Variants in RASAL2 observed in about 807,000 individuals in gnomAD.
The protein encoded by RASAL2 is ras GTPase-activating protein nGAP.
A neutral mutation model predicts 128.9 loss-of-function variants in RASAL2; 58 were observed. That is an observed-to-expected ratio of 0.45 (90% CI 0.36 to 0.56). RASAL2 has a LOEUF of 0.56. Among genes scored for constraint, RASAL2 ranks in the 20% least tolerant of loss-of-function variants. The pLI, the probability that RASAL2 is intolerant of heterozygous loss-of-function variation, is 0.00. For synonymous variants in RASAL2, 561 were observed against 580.8 expected (o/e 0.97, Z 0.49); for missense variants, 1,360 against 1,601.6 (o/e 0.85, Z 2.57).
chr1:178,305,868 T>C (rs890333682), intron 3 of RASAL2, among the ~76,000 whole-genome samples: 1 of 152,072 alleles, frequency 6.6e-6, no homozygotes, highest in African/African-American at 2.4e-5. Flanking sequence ...TGGGACAACA[T>C]TTAGAGGTTA....
At chr1:178,420,425 G>A in intron 4 of RASAL2, 86 bp from the exon 5 acceptor site, 1 of 804,614 alleles carries the variant, frequency 1.2e-6, no homozygotes. Flanking sequence ...TATTGTAAAA[G>A]TCTAAATACC....
At chr1:178,351,732 GAAAAAAA>G (rs571231229) in intron 3 of RASAL2, among the ~76,000 whole-genome samples, 7 of 111,048 alleles carry the variant, frequency 6.3e-5, no homozygotes, top group Non-Finnish European at 1.2e-4. Context: ...CTATCTCAAG[GAAAAAAA>G]AAAAAAAAAA....
At chr1:178,197,729 T>C (rs1662715385) in intron 1 of RASAL2, among the ~76,000 whole-genome samples, 1 of 152,218 alleles carries the variant, frequency 6.6e-6, no homozygotes, top group Non-Finnish European at 1.5e-5. Context: ...CTTTAAGTTC[T>C]AGGGTACATG....
Position 178,271,116 on chromosome 1 carries a change from C to T in RASAL2, c.203-12448C>T, listed in dbSNP as rs536957213. 3.8e-4 allele frequency among the ~76,000 whole-genome samples: 58 copies of T among 152,246 alleles called. No individual in the cohort carries two copies. In the South Asian group the frequency reaches 7.5e-3, roughly 20 times the overall value. On this transcript the variant is annotated intron_variant, in intron 1 of 17. Coordinates refer to ENST00000367649, the MANE Select transcript of RASAL2 (RefSeq NM_170692.4). ...TGGGCGAGAGGATCTTGGTACTCTG[C>T]CTCTTAAACAGATTTTATACTACCC...
intron 1 of RASAL2, among the ~76,000 whole-genome samples, chr1:178,133,501 T>A (rs545124093): frequency 3.2e-3 from 481 of 151,802 alleles, no homozygotes; most frequent in South Asian, 4.8e-3. Context: ...TTTTTTTTTT[T>A]AAATTACTTT....
intron 3 of RASAL2, among the ~76,000 whole-genome samples, chr1:178,305,856 C>G (rs1667960807): frequency 6.6e-6 from 1 of 151,926 alleles, no homozygotes; most frequent in African/African-American, 2.4e-5. Flanking sequence ...AAGACTAAGC[C>G]CTGGGACAAC....
chr1:178,113,846 T>TTGA (rs1659431876), intron 1 of RASAL2, among the ~76,000 whole-genome samples: 1 of 152,158 alleles, frequency 6.6e-6, no homozygotes, highest in Non-Finnish European at 1.5e-5. Context: ...TGGTTTGTCT[T>TTGA]TGATTTTTTA....
chr1:178,177,039 T>C (rs191792917), intron 1 of RASAL2, among the ~76,000 whole-genome samples: 3 of 152,314 alleles, frequency 2.0e-5, no homozygotes, highest in Non-Finnish European at 4.4e-5. Flanking sequence ...AGTTCCAGAA[T>C]AGTCTTCAGC....
chr1:178,361,134 G>A (rs1359829104), intron 3 of RASAL2, among the ~76,000 whole-genome samples: 1 of 152,166 alleles, frequency 6.6e-6, no homozygotes, highest in Non-Finnish European at 1.5e-5. Flanking sequence ...ATGTAGTTCT[G>A]TAAAATAGTT....
chr1:178,229,078 A>G (rs527667932), intron 1 of RASAL2, among the ~76,000 whole-genome samples: 1 of 152,088 alleles, frequency 6.6e-6, no homozygotes, highest in Non-Finnish European at 1.5e-5. Context: ...AGTTTGCCCC[A>G]TTTGCTTTAT....
Position 178,458,262 on chromosome 1 carries a change from G to C in RASAL2, c.2970G>C (p.Thr990=). Reference sequence around the variant, plus strand: ...GTGAGGACTTCTCCAGGCGGCACACGGTGCCAGATAGACACATACCTCTTG... The same window carrying C: ...GTGAGGACTTCTCCAGGCGGCACACCGTGCCAGATAGACACATACCTCTTG... ...TQSEDFSRRH[T]VPDRHIPLAL... The change falls in exon 14 of 18, where the codon ACG becomes ACC. Residue 990 remains threonine (T), a synonymous_variant. Coordinates refer to ENST00000367649, the MANE Select transcript of RASAL2 (RefSeq NM_170692.4). The C allele has an allele frequency of 6.2e-7, 1 of 1,614,238 alleles. No homozygotes were observed. The highest frequency in any genetic ancestry group is 1.1e-5 in the South Asian group (1 of 91,088).
chr1:178,094,630 T>C lies in RASAL2; in HGVS notation c.138T>C (p.Gly46=). ...AVVPVSGAVA[G]GMLDRILLES... ...TCCCAGTCAGTGGAGCCGTCGCCGGTGGCATGTTGGATCGGATCCTTCTGG... is the reference window on the plus strand; with the variant it reads ...TCCCAGTCAGTGGAGCCGTCGCCGGCGGCATGTTGGATCGGATCCTTCTGG... The change falls in exon 1 of 18, where the codon GGT becomes GGC. Residue 46 remains glycine, a synonymous_variant. Transcript: ENST00000367649. The C allele has an allele frequency of 6.2e-7, 1 of 1,613,868 alleles. No individual in the cohort carries two copies. Among genetic ancestry groups the C allele is most frequent in the Non-Finnish European group, 8.5e-7 (1 of 1,179,968 alleles).
At chr1:178,166,544 A>G (rs1164250421) in intron 1 of RASAL2, among the ~76,000 whole-genome samples, 2 of 152,228 alleles carry the variant, frequency 1.3e-5, no homozygotes, top group African/African-American at 4.8e-5. Flanking sequence ...TATATTTTGT[A>G]TATCTTATCT....
intron 3 of RASAL2, among the ~76,000 whole-genome samples, chr1:178,343,201 A>C (rs2102410125): frequency 6.6e-6 from 1 of 152,276 alleles, no homozygotes; most frequent in African/African-American, 2.4e-5. Flanking sequence ...GGTCTGTGTA[A>C]GTGTAGTACT....
intron 1 of RASAL2, among the ~76,000 whole-genome samples, chr1:178,172,543 C>G (rs1447266341): frequency 1.3e-5 from 2 of 152,014 alleles, no homozygotes; most frequent in African/African-American, 4.8e-5. Flanking sequence ...GTGATGCTCT[C>G]TTTAGCCTAT....
At chr1:178,369,737 A>G (rs1488787618) in intron 3 of RASAL2, among the ~76,000 whole-genome samples, 1 of 152,230 alleles carries the variant, frequency 6.6e-6, no homozygotes, top group Non-Finnish European at 1.5e-5. Flanking sequence ...TCTGCAATAC[A>G]TGAAATTATA....
intron 2 of RASAL2, among the ~76,000 whole-genome samples, chr1:178,290,497 A>G (rs901681503): frequency 3.9e-5 from 6 of 152,200 alleles, no homozygotes; most frequent in Non-Finnish European, 8.8e-5. Flanking sequence ...AGTATTGTGG[A>G]CACAAAGATG....
At position 178,464,276 on chromosome 1, in the gene RASAL2, A is replaced by C. The variant is rs754370591; in HGVS notation, c.3253-2A>C. 6.2e-7 allele frequency: 1 copy of C among 1,605,890 alleles called. No homozygotes were observed. Among genetic ancestry groups the C allele is most frequent in the South Asian group, 1.1e-5 (1 of 89,102 alleles). On this transcript the variant is annotated splice_acceptor_variant, in intron 14 of 17. Transcript: ENST00000367649. LOFTEE classifies it high-confidence loss of function. ...AAATGCTAATAACTGTTTCTGATGC[A>C]GGTTCAGTCACCTGTGGACTCTGCC...
chr1:178,199,650 T>G (rs934522335), intron 1 of RASAL2, among the ~76,000 whole-genome samples: 3 of 152,172 alleles, frequency 2.0e-5, no homozygotes, highest in African/African-American at 7.2e-5. Context: ...TGTGCACATG[T>G]GAATATGTAT....
Sources: allele counts gnomAD v4.1 joint callset (sites outside exome capture counted in the v4.1 genomes callset), GRCh38; gene constraint gnomAD v4.1.1; transcripts MANE v1.5; gene names NCBI Gene and HGNC (gene_info 2026-07-23, HGNC 2026-07-21).